The following ELAVL4 variants were observed in gnomAD, a reference collection of about 807,000 sequenced individuals.
ELAVL4 encodes ELAV-like protein 4.
Under a neutral mutation model 35.6 loss-of-function variants are expected in ELAVL4, and 1 was observed. The ratio of observed to expected loss-of-function variants is 0.03; its 90% CI spans 0.01 to 0.13. The LOEUF is 0.13. Ranked by LOEUF, ELAVL4 falls within the 10% of genes least tolerant of loss-of-function variation. The pLI, the probability that ELAVL4 is intolerant of heterozygous loss-of-function variation, is 1.00. For missense variants in ELAVL4, 267 were observed against 464.9 expected (o/e 0.57, Z 3.91); for synonymous variants, 156 against 171.0 (o/e 0.91, Z 0.69).
intron 2 of ELAVL4, among the ~76,000 whole-genome samples, chr1:50,160,286 C>T (rs543625312): frequency 5.2e-4 from 79 of 152,266 alleles, no homozygotes; most frequent in African/African-American, 1.8e-3. Flanking sequence ...AAGAAGATGA[C>T]GTTCCCCCGC....
intron 2 of ELAVL4, among the ~76,000 whole-genome samples, chr1:50,152,733 C>T (rs996099431): frequency 5.9e-5 from 9 of 152,082 alleles, no homozygotes; most frequent in Admixed American, 4.6e-4. Flanking sequence ...GTTTATTCCT[C>T]GTAAGAACTA....
intron 1 of ELAVL4, among the ~76,000 whole-genome samples, chr1:50,093,504 G>A (rs1665581636): frequency 1.3e-5 from 2 of 152,152 alleles, no homozygotes; most frequent in Non-Finnish European, 2.9e-5. Flanking sequence ...TGGCTATCAG[G>A]TAAAATTGGT....
intron 1 of ELAVL4, among the ~76,000 whole-genome samples, chr1:50,111,167 T>TTTG (rs906174789): frequency 4.2e-4 from 63 of 151,700 alleles, no homozygotes; most frequent in African/African-American, 7.7e-4. Flanking sequence ...GCGTGTGGTT[T>TTTG]TTGTTGTTGT....
chr1:50,076,976 T>G (rs1275444368), intron 1 of ELAVL4, among the ~76,000 whole-genome samples: 1 of 152,084 alleles, frequency 6.6e-6, no homozygotes, highest in African/African-American at 2.4e-5. Context: ...GGGTACTTCC[T>G]ATTATATTTG....
At chr1:50,122,797 T>C (rs1015806496) in intron 1 of ELAVL4, among the ~76,000 whole-genome samples, 1 of 152,108 alleles carries the variant, frequency 6.6e-6, no homozygotes, top group South Asian at 2.1e-4. Flanking sequence ...GTTAATGTTA[T>C]TTTTACAATG....
upstream of ELAVL4, chr1:50,106,043 C>T: frequency 2.7e-6 from 1 of 371,670 alleles, no homozygotes; most frequent in Non-Finnish European, 4.8e-6. Context: ...TTTTTTCCGC[C>T]TCATGGAAGT....
At chr1:50,153,782 T>C (rs1367608166) in intron 2 of ELAVL4, among the ~76,000 whole-genome samples, 2 of 152,188 alleles carry the variant, frequency 1.3e-5, no homozygotes, top group African/African-American at 4.8e-5. Context: ...TCTGCAGAAG[T>C]AATTAAGGTT....
At chr1:50,146,496 G>A (rs1340456700) in intron 2 of ELAVL4, among the ~76,000 whole-genome samples, 1 of 152,082 alleles carries the variant, frequency 6.6e-6, no homozygotes. Context: ...CTGCACAGTG[G>A]TCCCTCAGTA....
intron 1 of ELAVL4, among the ~76,000 whole-genome samples, chr1:50,072,641 G>A (rs754285583): frequency 3.2e-4 from 49 of 152,284 alleles, no homozygotes; most frequent in Non-Finnish European, 6.6e-4. Context: ...GTACCTTGAA[G>A]GTCCTTCACA....
chr1:50,129,787 T>C (rs906707122), intron 1 of ELAVL4, among the ~76,000 whole-genome samples: 4 of 152,138 alleles, frequency 2.6e-5, no homozygotes, highest in African/African-American at 9.7e-5. Flanking sequence ...AGCTCTTAGA[T>C]TAGTCAACTT....
chr1:50,169,887 TA>T (rs1557825738), intron 2 of ELAVL4, among the ~76,000 whole-genome samples: 3 of 152,236 alleles, frequency 2.0e-5, no homozygotes. Flanking sequence ...CTATATGTAT[TA>T]TTTTTTCTGG....
chr1:50,140,672 T>C (rs940770611), intron 1 of ELAVL4, among the ~76,000 whole-genome samples: 3 of 152,170 alleles, frequency 2.0e-5, no homozygotes, highest in Admixed American at 6.6e-5. Flanking sequence ...ATAGGATGTA[T>C]ATTAACACAT....
intron 1 of ELAVL4, among the ~76,000 whole-genome samples, chr1:50,048,928 C>G (rs1256667982): frequency 6.6e-6 from 1 of 152,158 alleles, no homozygotes; most frequent in South Asian, 2.1e-4. Context: ...TTAGTAAACA[C>G]AGGTCTTGAA....
At chr1:50,095,004 T>A (rs1665662643) in intron 1 of ELAVL4, among the ~76,000 whole-genome samples, 1 of 152,022 alleles carries the variant, frequency 6.6e-6, no homozygotes, top group Admixed American at 6.6e-5. Flanking sequence ...AGGTGAAAAG[T>A]GTGAGAGGAG....
chr1:50,185,617 T>C (rs1200820391), intron 3 of ELAVL4, among the ~76,000 whole-genome samples: 1 of 152,196 alleles, frequency 6.6e-6, no homozygotes, highest in Admixed American at 6.5e-5. Flanking sequence ...ACTAATGATA[T>C]CTTACTTGTA....
chr1:50,147,583 A>C (rs1342841793), intron 2 of ELAVL4, among the ~76,000 whole-genome samples: 2 of 152,098 alleles, frequency 1.3e-5, no homozygotes, highest in African/African-American at 4.8e-5. Flanking sequence ...AGGCTGGAAG[A>C]GGTGAGGTAT....
At chr1:50,058,451 G>A (rs1663791688) in intron 1 of ELAVL4, among the ~76,000 whole-genome samples, 1 of 151,964 alleles carries the variant, frequency 6.6e-6, no homozygotes, top group South Asian at 2.1e-4. Context: ...TGTTTCTATA[G>A]CACCCTTTCA....
intron 2 of ELAVL4, among the ~76,000 whole-genome samples, chr1:50,157,554 G>C (rs1675979608): frequency 6.6e-6 from 1 of 152,162 alleles, no homozygotes; most frequent in African/African-American, 2.4e-5. Context: ...TAATGCTCAA[G>C]CTGATCAAAT....
intron 2 of ELAVL4, among the ~76,000 whole-genome samples, chr1:50,167,620 C>T (rs1678175556): frequency 6.6e-6 from 1 of 152,166 alleles, no homozygotes; most frequent in South Asian, 2.1e-4. Context: ...GTAGCCAGGT[C>T]ACCCTTGGTG....
Sources: allele counts gnomAD v4.1 joint callset (sites outside exome capture counted in the v4.1 genomes callset), GRCh38; gene constraint gnomAD v4.1.1; transcripts MANE v1.5; gene names NCBI Gene and HGNC (gene_info 2026-07-23, HGNC 2026-07-21).